DLG2: variants seen among roughly 807,000 people sequenced by gnomAD.
DLG2 encodes disks large homolog 2.
In DLG2, 45 loss-of-function variants were observed where a neutral mutation model predicts 132.5. The observed-to-expected ratio is 0.34, with a 90% confidence interval of 0.27 to 0.44. The LOEUF is 0.44. Among genes scored for constraint, DLG2 ranks in the 20% least tolerant of loss-of-function variants. The pLI is 1.00. For synonymous variants in DLG2, 424 were observed against 419.6 expected, an observed-to-expected ratio of 1.01 and a Z score of -0.13; for missense variants, 1,045 against 1,196.9, an observed-to-expected ratio of 0.87 and a Z score of 1.87.
At chr11:84,233,652 C>A (rs1328876783) in intron 8 of DLG2, among the ~76,000 whole-genome samples, 1 of 152,166 alleles carries the variant, frequency 6.6e-6, no homozygotes, top group East Asian at 1.9e-4. Flanking sequence ...CCTGGTCTAA[C>A]CAGTTTTTTG....
chr11:84,729,402 T>C (rs1409264694), intron 6 of DLG2, among the ~76,000 whole-genome samples: 1 of 152,160 alleles, frequency 6.6e-6, no homozygotes, highest in Non-Finnish European at 1.5e-5. Flanking sequence ...GTGAGTTTCT[T>C]AATCCTGAGT....
intron 3 of DLG2, among the ~76,000 whole-genome samples, chr11:85,305,670 G>A (rs924724400): frequency 6.6e-6 from 1 of 152,018 alleles, no homozygotes; most frequent in Non-Finnish European, 1.5e-5. Context: ...CCACCACCAT[G>A]CCTGGCTAAT....
intron 6 of DLG2, among the ~76,000 whole-genome samples, chr11:84,537,855 T>C (rs2099359240): frequency 6.6e-6 from 1 of 152,240 alleles, no homozygotes; most frequent in Non-Finnish European, 1.5e-5. Context: ...TATCACTTGC[T>C]TAAGCCACAA....
intron 15 of DLG2, among the ~76,000 whole-genome samples, chr11:83,916,163 G>A (rs941426810): frequency 4.6e-5 from 7 of 152,004 alleles, no homozygotes; most frequent in African/African-American, 1.4e-4. Flanking sequence ...GGGCATTTGG[G>A]TTGTTTCCAT....
intron 16 of DLG2, among the ~76,000 whole-genome samples, chr11:83,856,816 G>T (rs1304663323): frequency 6.6e-6 from 1 of 152,138 alleles, no homozygotes; most frequent in African/African-American, 2.4e-5. Flanking sequence ...CTGTACAGAA[G>T]CTCTTTAGTT....
chr11:83,468,765 A>G (rs958213223), intron 25 of DLG2, among the ~76,000 whole-genome samples: 1 of 152,162 alleles, frequency 6.6e-6, no homozygotes, highest in Non-Finnish European at 1.5e-5. Flanking sequence ...TCTAAGCTAG[A>G]ACTTCTGCGA....
At chr11:84,369,467 T>C (rs1358999627) in intron 7 of DLG2, among the ~76,000 whole-genome samples, 1 of 152,142 alleles carries the variant, frequency 6.6e-6, no homozygotes, top group Non-Finnish European at 1.5e-5. Context: ...ATTTCTACTT[T>C]TCAGATGAGG....
chr11:85,117,742 AAG>A (rs1386806381), intron 5 of DLG2, among the ~76,000 whole-genome samples: 1 of 151,944 alleles, frequency 6.6e-6, no homozygotes, highest in African/African-American at 2.4e-5. Flanking sequence ...CAGTGGAAAA[AAG>A]AGAATCTTTC....
At chr11:85,614,181 C>T (rs997623314) in intron 2 of DLG2, among the ~76,000 whole-genome samples, 1 of 152,130 alleles carries the variant, frequency 6.6e-6, no homozygotes, top group Non-Finnish European at 1.5e-5. Context: ...ATTCCAGACA[C>T]AAAAGTATTT....
At chr11:83,926,162 C>T (rs1231124299) in intron 15 of DLG2, among the ~76,000 whole-genome samples, 1 of 151,932 alleles carries the variant, frequency 6.6e-6, no homozygotes, top group South Asian at 2.1e-4. Context: ...TTAATTCATC[C>T]CTGAATGTTT....
At chr11:84,416,010 A>G (rs1170457569) in intron 7 of DLG2, among the ~76,000 whole-genome samples, 2 of 152,088 alleles carry the variant, frequency 1.3e-5, no homozygotes, top group African/African-American at 4.8e-5. Flanking sequence ...TTTGCAAACT[A>G]ATCATTGGCT....
At chr11:83,925,658 G>T (rs962039979) in intron 15 of DLG2, among the ~76,000 whole-genome samples, 1 of 151,998 alleles carries the variant, frequency 6.6e-6, no homozygotes, top group South Asian at 2.1e-4. Flanking sequence ...GTGCTTCACA[G>T]TTCATTTCCC....
chr11:84,442,186 T>C (rs1031612327), intron 7 of DLG2, among the ~76,000 whole-genome samples: 4 of 152,202 alleles, frequency 2.6e-5, no homozygotes, highest in Non-Finnish European at 5.9e-5. Flanking sequence ...GGGGATAGCA[T>C]TGAATCTATA....
At chr11:85,102,716 G>A (rs1303692248) in intron 6 of DLG2, among the ~76,000 whole-genome samples, 1 of 151,948 alleles carries the variant, frequency 6.6e-6, no homozygotes, top group African/African-American at 2.4e-5. Context: ...TCCATCTAAA[G>A]TCAAGGAGGT....
chr11:85,246,494 CTG>C (rs2076140504), intron 4 of DLG2, among the ~76,000 whole-genome samples: 2 of 151,710 alleles, frequency 1.3e-5, no homozygotes, highest in South Asian at 2.1e-4. Flanking sequence ...TAACATTGTA[CTG>C]TGTTTATTAC....
intron 15 of DLG2, among the ~76,000 whole-genome samples, chr11:83,889,108 G>A (rs2068862695): frequency 6.6e-6 from 1 of 152,054 alleles, no homozygotes; most frequent in African/African-American, 2.4e-5. Context: ...TGACAAATGG[G>A]ATCTAATTAA....
rs144144800 is a variant in DLG2 at position 84,465,087 on chromosome 11, C to G, written c.519+69483G>C. 7.0e-3 allele frequency among the ~76,000 whole-genome samples: 1,057 copies of G among 151,250 alleles called. 14 individuals are homozygous for G. The highest frequency in any genetic ancestry group is 0.023 in the African/African-American group (948 of 41,398). ...GTAGACTATCACAGTAAATTTAATT[C>G]AAATAATAAACCGTCACACACTTGA... On this transcript the variant is annotated intron_variant, in intron 7 of 27. Coordinates refer to ENST00000376104, the MANE Select transcript of DLG2 (RefSeq NM_001142699.3).
intron 7 of DLG2, among the ~76,000 whole-genome samples, chr11:84,479,447 C>A (rs943414983): frequency 6.6e-6 from 1 of 151,988 alleles, no homozygotes; most frequent in Non-Finnish European, 1.5e-5. Flanking sequence ...CATATTATTT[C>A]TAATCAATTA....
intron 6 of DLG2, among the ~76,000 whole-genome samples, chr11:84,576,953 T>A (rs1352895164): frequency 6.6e-6 from 1 of 152,208 alleles, no homozygotes; most frequent in African/African-American, 2.4e-5. Context: ...TCTCCCAGAA[T>A]TCCCGTGTGT....
Sources: gnomAD v4.1 joint callset for allele counts (sites outside exome capture counted in the v4.1 genomes callset) on GRCh38, gnomAD v4.1.1 for gene constraint, MANE v1.5 for transcripts, NCBI Gene and HGNC (gene_info 2026-07-23, HGNC 2026-07-21) for gene names.